The following SLC6A11 variants were observed in gnomAD, a reference collection of about 807,000 sequenced individuals.
The protein encoded by SLC6A11 is sodium- and chloride-dependent GABA transporter 3.
Under a neutral mutation model 74.8 loss-of-function variants are expected in SLC6A11, and 25 were observed. The observed-to-expected ratio is 0.33, with a 90% CI of 0.24 to 0.47. The LOEUF is 0.47. Among genes scored for constraint, SLC6A11 ranks in the 20% least tolerant of loss-of-function variants. The pLI is 1.00. For missense variants in SLC6A11, 574 were observed against 837.0 expected (o/e 0.69, Z 3.88); for synonymous variants, 330 against 330.2 (o/e 1.00, Z 0.01).
At chr3:10,920,099 G>A (rs986736216) in intron 8 of SLC6A11, among the ~76,000 whole-genome samples, 3 of 152,168 alleles carry the variant, frequency 2.0e-5, no homozygotes, top group East Asian at 3.9e-4. Context: ...TCTGTAAAGT[G>A]CGCACCCTGA....
intron 6 of SLC6A11, among the ~76,000 whole-genome samples, chr3:10,895,904 C>T (rs1457969318): frequency 6.6e-6 from 1 of 152,236 alleles, no homozygotes; most frequent in African/African-American, 2.4e-5. Flanking sequence ...GAGCAAGCGT[C>T]GTCTTTGCAT....
At chr3:10,930,637 G>A (rs1318962109) in intron 10 of SLC6A11, among the ~76,000 whole-genome samples, 2 of 152,146 alleles carry the variant, frequency 1.3e-5, no homozygotes, top group Non-Finnish European at 2.9e-5. Context: ...ATACAAATTT[G>A]GGGGTTAGCC....
chr3:10,834,339 TG>T (rs1439980647), intron 4 of SLC6A11, among the ~76,000 whole-genome samples: 1 of 150,004 alleles, frequency 6.7e-6, no homozygotes, highest in African/African-American at 2.5e-5. Context: ...GAAGTAAGTT[TG>T]TTTTTTTTTT....
chr3:10,859,257 C>A, intron 5 of SLC6A11, among the ~76,000 whole-genome samples: 1 of 152,164 alleles, frequency 6.6e-6, no homozygotes, highest in East Asian at 1.9e-4. Flanking sequence ...TGAGTCAGCC[C>A]TCTGTGACCC....
At chr3:10,868,229 C>T (rs907062001) in intron 5 of SLC6A11, among the ~76,000 whole-genome samples, 9 of 152,120 alleles carry the variant, frequency 5.9e-5, no homozygotes, top group Non-Finnish European at 7.4e-5. Flanking sequence ...AGGTTCTTGC[C>T]CCACACTGCC....
chr3:10,932,517 A>C (rs1316318103), intron 10 of SLC6A11, among the ~76,000 whole-genome samples: 3 of 152,148 alleles, frequency 2.0e-5, no homozygotes, highest in Non-Finnish European at 4.4e-5. Context: ...AGACCATTAG[A>C]AAGGGCTTCC....
intron 6 of SLC6A11, among the ~76,000 whole-genome samples, chr3:10,893,271 G>A (rs1329943532): frequency 6.6e-6 from 1 of 152,196 alleles, no homozygotes; most frequent in East Asian, 1.9e-4. Context: ...GTTTGTGCAA[G>A]GTGAGGTTGG....
chr3:10,848,598 A>G (rs1694534416), intron 5 of SLC6A11, among the ~76,000 whole-genome samples: 1 of 152,218 alleles, frequency 6.6e-6, no homozygotes, highest in Non-Finnish European at 1.5e-5. Flanking sequence ...CATTTGTGAA[A>G]TCAGTGAATT....
chr3:10,819,299 A>C (rs1694105215), intron 1 of SLC6A11, among the ~76,000 whole-genome samples, 166 bp from the exon 2 acceptor site: 1 of 152,222 alleles, frequency 6.6e-6, no homozygotes. Flanking sequence ...AGGTAGACTT[A>C]CAGAAACCTA....
rs1024848593 is a variant in SLC6A11, at chr3:10,878,633, T to G, written c.891+3538T>G. Reference sequence around the variant, plus strand: ...TTTTGCCATGTTGGCCAGGCTGGTCTCAAACTCCTGACCTCGTGATCCACC... The same window carrying G: ...TTTTGCCATGTTGGCCAGGCTGGTCGCAAACTCCTGACCTCGTGATCCACC... On this transcript the variant is annotated intron_variant, in intron 6 of 13. Transcript: ENST00000254488. Among the ~76,000 whole-genome samples, 3 of 151,498 alleles carry G rather than the reference T, an allele frequency of 2.0e-5. No individual in the cohort carries two copies. The East Asian group carries it at 5.8e-4, about 29-fold the overall frequency.
chr3:10,846,916 G>A (rs1057320066), intron 5 of SLC6A11, among the ~76,000 whole-genome samples: 2 of 152,212 alleles, frequency 1.3e-5, no homozygotes, highest in East Asian at 3.8e-4. Context: ...TTAAGATGTA[G>A]AACATTGTGT....
chr3:10,850,481 AC>A (rs975832140), intron 5 of SLC6A11, among the ~76,000 whole-genome samples: 40 of 152,306 alleles, frequency 2.6e-4, no homozygotes, highest in African/African-American at 9.6e-4. Context: ...TGGAAAATAA[AC>A]AAGCAACATA....
chr3:10,834,860 T>C (rs1694346265), intron 4 of SLC6A11, among the ~76,000 whole-genome samples: 1 of 152,222 alleles, frequency 6.6e-6, no homozygotes, highest in African/African-American at 2.4e-5. Context: ...AGTGTGACAT[T>C]GCTGGTCAGC....
rs1694077336 is a variant in SLC6A11, at chr3:10,817,370, C to G, written c.256+849C>G. Among the ~76,000 whole-genome samples the G allele has an allele frequency of 2.0e-5, 3 of 152,156 alleles. No individual in the cohort carries two copies. The South Asian group carries it at 6.2e-4, about 32-fold the overall frequency. ...AGAGTCCTTTCTGGTGACAGCCTCT[C>G]AAAGTCAGTTTGGCAAAAGATGCAG... On this transcript the variant is annotated intron_variant, in intron 1 of 13. Coordinates refer to ENST00000254488, the MANE Select transcript of SLC6A11 (RefSeq NM_014229.3).
chr3:10,938,040 C>T lies in SLC6A11; in HGVS notation c.1747-210C>T, dbSNP rs111342781. On this transcript the variant is annotated intron_variant, in intron 13 of 13. Coordinates refer to ENST00000254488, the MANE Select transcript of SLC6A11 (RefSeq NM_014229.3). ...CTAATGCCAGGAGTAGGGACCTCTA[C>T]GGTCCCCATTTTTCATAGGAGGAAA... 5.0e-3 allele frequency among the ~76,000 whole-genome samples: 759 copies of T among 152,274 alleles called. 6 individuals are homozygous for T. Among genetic ancestry groups the T allele is most frequent in the African/African-American group, 0.017 (707 of 41,546 alleles).
In SLC6A11 at chr3:10,852,557, G is replaced by T. The variant is rs542411226; in HGVS notation, c.756+8211G>T. Among the ~76,000 whole-genome samples the T allele has an allele frequency of 2.6e-5, 4 of 152,348 alleles. No homozygotes were observed. The South Asian group carries it at 6.2e-4, about 24-fold the overall frequency. On this transcript the variant is annotated intron_variant, in intron 5 of 13. Transcript: ENST00000254488. ...GCCCCCCAAAGTCCCAGTGATTGCT[G>T]GGTGGGAGGGGGTTCTGTGGCTGGT...
At chr3:10,929,401 T>C in intron 10 of SLC6A11, 62 bp downstream of exon 10, 1 of 1,581,278 alleles carries the variant, frequency 6.3e-7, no homozygotes, top group Non-Finnish European at 8.6e-7. Flanking sequence ...CTCCCAGCTC[T>C]AAAAGTGACC....
chr3:10,842,686 T>C (rs2106584550), intron 4 of SLC6A11, among the ~76,000 whole-genome samples: 1 of 152,340 alleles, frequency 6.6e-6, no homozygotes, highest in Admixed American at 6.5e-5. Context: ...TTTTTTATCC[T>C]AGGCTCTAAC....
At chr3:10,931,292 C>T (rs1223823720) in intron 10 of SLC6A11, among the ~76,000 whole-genome samples, 1 of 152,222 alleles carries the variant, frequency 6.6e-6, no homozygotes, top group African/African-American at 2.4e-5. Context: ...TGGATTAAGA[C>T]ACAGGAAGCG....
Sources: gnomAD v4.1 joint callset for allele counts (sites outside exome capture counted in the v4.1 genomes callset) on GRCh38, gnomAD v4.1.1 for gene constraint, MANE v1.5 for transcripts, NCBI Gene and HGNC (gene_info 2026-07-23, HGNC 2026-07-21) for gene names.